Variants in DRP2 observed in about 807,000 individuals in gnomAD.
The protein encoded by DRP2 is dystrophin related protein 2, also known as dystrophin-related protein 2.
DRP2 carries 29 observed loss-of-function variants against 78.2 expected under a neutral mutation model. The ratio of observed to expected loss-of-function variants is 0.37; its 90% CI spans 0.28 to 0.51. The LOEUF is 0.51. Ranked by LOEUF, DRP2 falls within the 20% of genes least tolerant of loss-of-function variation. The pLI is 0.94. For synonymous variants in DRP2, 290 were observed against 281.9 expected (o/e 1.03, Z -0.29); for missense variants, 686 against 770.6 (o/e 0.89, Z 1.30).
At chrX:101,249,386 G>A (rs778778291) in intron 14 of DRP2, among the ~76,000 whole-genome samples, 9 of 112,186 alleles carry the variant, frequency 8.0e-5, no homozygotes, top group Non-Finnish European at 1.7e-4. Flanking sequence ...AAACATGTTC[G>A]TGGCTATGAT....
rs961206500 is a variant in DRP2 at position 101,260,698 on chromosome X, C to A, written c.*77C>A. 9.0e-7 allele frequency: 1 copy of A among 1,117,067 alleles called. No individual in the cohort carries two copies. The highest frequency in any genetic ancestry group is 2.3e-5 in the South Asian group (1 of 42,940). The allele number at this position is 1,117,067 out of a possible 1,213,427, so 92.1% of individuals were successfully genotyped here. Reference sequence around the variant, plus strand: ...AAGCCTTTCCTCAGCCTTCACCCAACCTTTCCAGTTTCCACTGGCCCCACA... The same window carrying A: ...AAGCCTTTCCTCAGCCTTCACCCAAACTTTCCAGTTTCCACTGGCCCCACA... On this transcript the variant is annotated 3_prime_UTR_variant, in exon 24 of 24. Coordinates refer to ENST00000395209, the MANE Select transcript of DRP2 (RefSeq NM_001939.3).
intron 16 of DRP2, 127 bp downstream of exon 16, chrX:101,251,210 T>C (rs1037970195): frequency 3.3e-6 from 2 of 607,844 alleles, no homozygotes; most frequent in Admixed American, 4.4e-5. Flanking sequence ...TACATTATTA[T>C]ATACTGTTAT....
At chrX:101,227,680 G>A (rs1338011684) in intron 2 of DRP2, among the ~76,000 whole-genome samples, 6 of 112,103 alleles carry the variant, frequency 5.4e-5, no homozygotes, top group African/African-American at 1.9e-4. Flanking sequence ...AGCAAACTAA[G>A]GCCTAGAGAG....
intron 12 of DRP2, among the ~76,000 whole-genome samples, chrX:101,247,748 A>G (rs916594013): frequency 1.8e-5 from 2 of 112,419 alleles, no homozygotes; most frequent in African/African-American, 6.5e-5. Context: ...CCTATTTGCA[A>G]TTGAAACTCA....
chrX:101,259,761 G>A (rs1256990357), intron 22 of DRP2, among the ~76,000 whole-genome samples: 2 of 112,115 alleles, frequency 1.8e-5, no homozygotes, highest in Non-Finnish European at 3.8e-5. Flanking sequence ...GCCTCCCAAA[G>A]TGCTGGGATT....
intron 22 of DRP2, among the ~76,000 whole-genome samples, chrX:101,259,417 T>C (rs1380912243): frequency 9.0e-6 from 1 of 111,336 alleles, no homozygotes; most frequent in Non-Finnish European, 1.9e-5. Flanking sequence ...CAGAGAGAAT[T>C]GTGTTCTAAA....
chrX:101,224,207 T>G (rs867468327), intron 1 of DRP2, among the ~76,000 whole-genome samples: 722 of 66,148 alleles, frequency 0.011, 3 homozygotes, highest in African/African-American at 0.022. Context: ...TTTTTTTTTT[T>G]TTTTTTTTTT....
rs1602930800 is a variant in DRP2, at chrX:101,250,848, A to C, written c.1699-69A>C. 22 of 1,162,175 alleles carry C rather than the reference A, an allele frequency of 1.9e-5. No individual in the cohort carries two copies. The South Asian group carries it at 2.4e-4, about 12-fold the overall frequency. ...CCCTGCTGGTTCTCCTGCCCCTCTGAGGGCTGCCATTCTAGGGATAAGACA... is the reference window on the plus strand; with the variant it reads ...CCCTGCTGGTTCTCCTGCCCCTCTGCGGGCTGCCATTCTAGGGATAAGACA... On this transcript the variant is annotated intron_variant, in intron 15 of 23. Coordinates refer to ENST00000395209, the MANE Select transcript of DRP2 (RefSeq NM_001939.3).
At chrX:101,260,444 G>T in intron 23 of DRP2, 53 bp from the exon 24 acceptor site, 1 of 1,177,939 alleles carries the variant, frequency 8.5e-7, no homozygotes. Flanking sequence ...TGACCCCTTG[G>T]CCTCATAAAG....
At chrX:101,259,708 G>A (rs1468062141) in intron 22 of DRP2, among the ~76,000 whole-genome samples, 1 of 111,357 alleles carries the variant, frequency 9.0e-6, no homozygotes, top group Non-Finnish European at 1.9e-5. Context: ...ATGTTGGTTA[G>A]GCTGGTCTTG....
intron 23 of DRP2, 75 bp downstream of exon 23, chrX:101,260,244 G>A (rs1923499375): frequency 8.6e-7 from 1 of 1,164,754 alleles, no homozygotes; most frequent in Non-Finnish European, 1.2e-6. Context: ...CCAAGGCTTT[G>A]CGGGGCTGGG....
chrX:101,222,696 G>C (rs778140722), intron 1 of DRP2, among the ~76,000 whole-genome samples: 1 of 112,525 alleles, frequency 8.9e-6, no homozygotes, highest in East Asian at 2.8e-4. Flanking sequence ...TTTAAACAAT[G>C]TGTTATGAAA....
chrX:101,248,271 C>G lies in DRP2; in HGVS notation c.1435C>G (p.Leu479Val). ...CTGTGTGGACATGAGCCTCAATTGG[C>G]TCCTCAATGTTTTTGATAGGTAAGG... ...PLCVDMSLNW[L>V]LNVFDSGRSG... The change falls in exon 13 of 24, where the codon CTC becomes GTC. Residue 479 changes from leucine (L) to valine (V), a missense_variant. Around this residue, in one of 2 missense-constraint regions of DRP2, gnomAD observed 423 missense variants for 531.5 expected, o/e 0.80. Transcript: ENST00000395209. 2 of 1,211,160 alleles carry G rather than the reference C, an allele frequency of 1.7e-6. No individual in the cohort carries two copies. Among genetic ancestry groups the G allele is most frequent in the South Asian group, 3.5e-5 (2 of 56,941 alleles).
chrX:101,233,413 C>T (rs1333996586), intron 3 of DRP2, among the ~76,000 whole-genome samples: 1 of 111,581 alleles, frequency 9.0e-6, no homozygotes, highest in Non-Finnish European at 1.9e-5. Flanking sequence ...TGCCATCCCC[C>T]AGCCACCCTG....
At chrX:101,259,490 A>T (rs751207383) in intron 22 of DRP2, among the ~76,000 whole-genome samples, 27 of 110,518 alleles carry the variant, frequency 2.4e-4, no homozygotes, top group African/African-American at 4.6e-4. Flanking sequence ...TCTTTATTTA[A>T]TTAATTAATT....
chrX:101,233,972 T>C lies in DRP2; in HGVS notation c.118-1888T>C. Among the ~76,000 whole-genome samples, 3 of 111,875 alleles carry C rather than the reference T, an allele frequency of 2.7e-5. No individual in the cohort carries two copies. In the South Asian group the frequency reaches 1.1e-3, roughly 42 times the overall value. Reference sequence around the variant, plus strand: ...GCAGAGCACCCCTCCATTTTCACAGTAGACTCTGACGAATCTCCTGGCCTC... The same window carrying C: ...GCAGAGCACCCCTCCATTTTCACAGCAGACTCTGACGAATCTCCTGGCCTC... On this transcript the variant is annotated intron_variant, in intron 3 of 23. Transcript: ENST00000395209.
At chrX:101,223,143 C>T (rs1921954234) in intron 1 of DRP2, among the ~76,000 whole-genome samples, 1 of 110,606 alleles carries the variant, frequency 9.0e-6, no homozygotes, top group Non-Finnish European at 1.9e-5. Context: ...CACCACCCCC[C>T]AGGTGGCACC....
At chrX:101,245,299 C>T in intron 10 of DRP2, 89 bp from the exon 11 acceptor site, 1 of 981,099 alleles carries the variant, frequency 1.0e-6, no homozygotes. Context: ...CTTCTTGCAT[C>T]CAACCTGTCA....
intron 4 of DRP2, among the ~76,000 whole-genome samples, chrX:101,237,195 G>A (rs112091524): frequency 0.026 from 2,930 of 111,952 alleles, 44 homozygotes; most frequent in Middle Eastern, 0.087. Context: ...AGGGCAGTTC[G>A]GAACAGCCTC....
Sources: gnomAD v4.1 joint callset for allele counts (sites outside exome capture counted in the v4.1 genomes callset) on GRCh38, gnomAD v4.1.1 for gene constraint, gnomAD v4.1.1 regional missense constraint, MANE v1.5 for transcripts, NCBI Gene and HGNC (gene_info 2026-07-23, HGNC 2026-07-21) for gene names.